Variants in COX7B2 observed in about 807,000 individuals in gnomAD.
COX7B2 encodes cytochrome c oxidase subunit 7B2, mitochondrial.
For missense variants in COX7B2, 109 were observed against 95.9 expected (o/e 1.14, Z -0.57); for synonymous variants, 37 against 32.1 (o/e 1.15, Z -0.51).
intron 2 of COX7B2, among the ~76,000 whole-genome samples, chr4:46,749,495 A>G (rs902202620): frequency 3.3e-5 from 5 of 152,142 alleles, no homozygotes; most frequent in Non-Finnish European, 5.9e-5. Flanking sequence ...TCTTTGTTAT[A>G]CTCACTATGT....
At chr4:46,844,868 AT>A (rs1452958290) in intron 2 of COX7B2, 91 bp downstream of exon 2, 2 of 151,956 alleles carry the variant, frequency 1.3e-5, no homozygotes, top group Admixed American at 6.6e-5. Flanking sequence ...TGTGAATTTT[AT>A]TTTTTACAAA....
At chr4:46,814,827 A>G (rs1719465361) in intron 2 of COX7B2, among the ~76,000 whole-genome samples, 1 of 152,216 alleles carries the variant, frequency 6.6e-6, no homozygotes, top group Admixed American at 6.5e-5. Flanking sequence ...TTAAAAAATT[A>G]TAACAATTCT....
chr4:46,830,585 T>C (rs1715013738), intron 2 of COX7B2, among the ~76,000 whole-genome samples: 1 of 152,188 alleles, frequency 6.6e-6, no homozygotes, highest in Non-Finnish European at 1.5e-5. Context: ...GTTTGAAGCA[T>C]CTAAAATACC....
At chr4:46,893,103 T>A (rs1719539511) in intron 1 of COX7B2, among the ~76,000 whole-genome samples, 1 of 152,184 alleles carries the variant, frequency 6.6e-6, no homozygotes, top group South Asian at 2.1e-4. Context: ...TATTTCTTTG[T>A]AGTAGCATGA....
At chr4:46,889,803 C>T (rs1272054600) in intron 1 of COX7B2, among the ~76,000 whole-genome samples, 1 of 152,074 alleles carries the variant, frequency 6.6e-6, no homozygotes, top group African/African-American at 2.4e-5. Flanking sequence ...CAGACACACA[C>T]ACACACTCTG....
At chr4:46,738,073 T>A (rs2109390744) in intron 2 of COX7B2, among the ~76,000 whole-genome samples, 1 of 152,256 alleles carries the variant, frequency 6.6e-6, no homozygotes, top group East Asian at 1.9e-4. Flanking sequence ...GTGACATCGG[T>A]CAGGGTATGA....
chr4:46,868,714 A>C (rs1325262681), intron 1 of COX7B2, among the ~76,000 whole-genome samples: 2 of 152,132 alleles, frequency 1.3e-5, no homozygotes. Context: ...TCTATTTGTT[A>C]ATTGAATGTG....
chr4:46,905,542 T>C (rs116495741), intron 1 of COX7B2, among the ~76,000 whole-genome samples: 158 of 152,320 alleles, frequency 1.0e-3, no homozygotes, highest in Non-Finnish European at 1.7e-3. Context: ...ACATTAACGA[T>C]TCATCCTACC....
At chr4:46,891,723 T>C (rs912175226) in intron 1 of COX7B2, among the ~76,000 whole-genome samples, 2 of 152,176 alleles carry the variant, frequency 1.3e-5, no homozygotes, top group African/African-American at 4.8e-5. Flanking sequence ...TGCCCTTCTC[T>C]TCAAACCTGT....
At chr4:46,834,628 T>C (rs952521360) in intron 2 of COX7B2, among the ~76,000 whole-genome samples, 4 of 152,142 alleles carry the variant, frequency 2.6e-5, no homozygotes, top group Non-Finnish European at 5.9e-5. Context: ...ACTATAATTA[T>C]TCCCCGACAC....
At chr4:46,794,186 C>T (rs1002346718) in intron 2 of COX7B2, among the ~76,000 whole-genome samples, 3 of 152,032 alleles carry the variant, frequency 2.0e-5, no homozygotes, top group Non-Finnish European at 2.9e-5. Context: ...AATGGGAAAA[C>T]GTGTTTAAAT....
At position 46,794,295 on chromosome 4, in the gene COX7B2, A is replaced by C. The variant is rs565371949; in HGVS notation, c.-50+50665T>G. 3.9e-5 allele frequency among the ~76,000 whole-genome samples: 6 copies of C among 152,324 alleles called. No individual in the cohort carries two copies. The South Asian group carries it at 1.2e-3, about 32-fold the overall frequency. Reference sequence around the variant, plus strand: ...CTCACAAAACAGAGATTCTGCATTTAATGTTGCAGTTCAGGGAGTTAGGAA... The same window carrying C: ...CTCACAAAACAGAGATTCTGCATTTCATGTTGCAGTTCAGGGAGTTAGGAA... On this transcript the variant is annotated intron_variant, in intron 2 of 2. Transcript: ENST00000355591.
chr4:46,747,175 A>C (rs746674897), intron 2 of COX7B2, among the ~76,000 whole-genome samples: 3 of 152,128 alleles, frequency 2.0e-5, no homozygotes, highest in Non-Finnish European at 4.4e-5. Flanking sequence ...AGTATCCATT[A>C]GTTATTTTTC....
intron 1 of COX7B2, among the ~76,000 whole-genome samples, chr4:46,864,841 T>C (rs1470637205): frequency 1.3e-5 from 2 of 152,108 alleles, no homozygotes; most frequent in African/African-American, 2.4e-5. Context: ...AGACGGTTTT[T>C]CACCGTGTTA....
At chr4:46,873,671 A>AT (rs564151771) in intron 1 of COX7B2, among the ~76,000 whole-genome samples, 1 of 151,908 alleles carries the variant, frequency 6.6e-6, no homozygotes, top group Non-Finnish European at 1.5e-5. Flanking sequence ...TGCTATTACT[A>AT]TTTTTTTTAA....
intron 2 of COX7B2, among the ~76,000 whole-genome samples, chr4:46,836,080 T>G (rs756425223): frequency 3.3e-4 from 51 of 152,282 alleles, no homozygotes; most frequent in Middle Eastern, 3.4e-3. Flanking sequence ...GGTGAGGCAG[T>G]GAGTGAGTGC....
At chr4:46,900,210 A>G (rs942752849) in intron 1 of COX7B2, among the ~76,000 whole-genome samples, 1 of 152,148 alleles carries the variant, frequency 6.6e-6, no homozygotes, top group Admixed American at 6.5e-5. Context: ...ATTTTAAGGA[A>G]GAATAAGAGC....
intron 1 of COX7B2, among the ~76,000 whole-genome samples, chr4:46,846,520 G>A (rs1189630166): frequency 6.6e-6 from 1 of 150,812 alleles, no homozygotes; most frequent in Non-Finnish European, 1.5e-5. Context: ...CATGAGGGAG[G>A]TGAGGGAGTC....
intron 2 of COX7B2, among the ~76,000 whole-genome samples, chr4:46,736,870 G>T (rs1403411721): frequency 6.6e-6 from 1 of 152,130 alleles, no homozygotes; most frequent in Admixed American, 6.6e-5. Context: ...AGGACATCTT[G>T]ATTGCTTCTA....
Sources: gnomAD v4.1 joint callset for allele counts (sites outside exome capture counted in the v4.1 genomes callset) on GRCh38, gnomAD v4.1.1 for gene constraint, MANE v1.5 for transcripts, NCBI Gene and HGNC (gene_info 2026-07-23, HGNC 2026-07-21) for gene names.